DNM3: variants seen among roughly 807,000 people sequenced by gnomAD.
DNM3 encodes dynamin 3, also known as dynamin-3.
DNM3 carries 47 observed loss-of-function variants against 101.6 expected under a neutral mutation model. The observed-to-expected ratio is 0.46, with a 90% CI of 0.37 to 0.59. The LOEUF is 0.59. DNM3 is among the 20% of genes least tolerant of loss of function. The pLI is 0.00. For missense variants in DNM3, 849 were observed against 1,085.7 expected (o/e 0.78, Z 3.06); for synonymous variants, 385 against 387.9 (o/e 0.99, Z 0.09).
chr1:171,881,585 G>C (rs1231479579), intron 1 of DNM3, among the ~76,000 whole-genome samples: 2 of 152,206 alleles, frequency 1.3e-5, no homozygotes, highest in Admixed American at 6.5e-5. Flanking sequence ...CAGCTCCATA[G>C]AGCCAGGGTC....
intron 14 of DNM3, among the ~76,000 whole-genome samples, chr1:172,187,548 G>A (rs1308632223): frequency 6.6e-6 from 1 of 151,944 alleles, no homozygotes; most frequent in Admixed American, 6.6e-5. Flanking sequence ...GTATAGACCT[G>A]ATCTATTCAA....
At chr1:172,316,067 G>C (rs1426461028) in intron 16 of DNM3, among the ~76,000 whole-genome samples, 1 of 152,178 alleles carries the variant, frequency 6.6e-6, no homozygotes, top group African/African-American at 2.4e-5. Flanking sequence ...AGCCAGAAGA[G>C]AGTGGGAGCC....
At chr1:171,968,313 A>C (rs570388442) in intron 2 of DNM3, among the ~76,000 whole-genome samples, 64 of 152,286 alleles carry the variant, frequency 4.2e-4, no homozygotes, top group African/African-American at 1.4e-3. Context: ...CAACAAATTT[A>C]GCTTAAAGAT....
chr1:171,900,119 C>G (rs1284273294), intron 1 of DNM3, among the ~76,000 whole-genome samples: 1 of 152,182 alleles, frequency 6.6e-6, no homozygotes, highest in East Asian at 1.9e-4. Flanking sequence ...AAATCAAGGA[C>G]AACCCCCAGA....
Position 172,046,689 on chromosome 1 carries a change from T to A in DNM3, c.1197-1923T>A, listed in dbSNP as rs550115038. Reference sequence around the variant, plus strand: ...CATCTATAACCAAATCTAACGTTTTTTCTTTTACCATCGATAGGATTTCTA... The same window carrying A: ...CATCTATAACCAAATCTAACGTTTTATCTTTTACCATCGATAGGATTTCTA... On this transcript the variant is annotated intron_variant, in intron 9 of 20. Transcript: ENST00000627582. Among the ~76,000 whole-genome samples, 4 of 152,304 alleles carry A rather than the reference T, an allele frequency of 2.6e-5. No homozygotes were observed. In the East Asian group the frequency reaches 5.8e-4, roughly 22 times the overall value.
rs567979813 is a variant in DNM3, at chr1:172,032,156, T to C, written c.590-246T>C. The stretch of plus-strand genomic sequence containing the variant: ...AACTCTTATATTTCAAAATTATTTT[T>C]GTGCTATAGCTATTTGTTTTTCTCC... On this transcript the variant is annotated intron_variant, in intron 4 of 20. Coordinates refer to ENST00000627582, the MANE Select transcript of DNM3 (RefSeq NM_015569.5). Among the ~76,000 whole-genome samples, 427 of 152,314 alleles carry C rather than the reference T, an allele frequency of 2.8e-3. 3 individuals are homozygous for C. The highest frequency in any genetic ancestry group is 9.7e-3 in the African/African-American group (402 of 41,564).
At chr1:172,079,840 C>T (rs1301969813) in intron 11 of DNM3, among the ~76,000 whole-genome samples, 1 of 151,962 alleles carries the variant, frequency 6.6e-6, no homozygotes, top group East Asian at 1.9e-4. Context: ...TGATGCTGTT[C>T]CTTTCTGTTT....
rs1553240842 is a variant in DNM3 at position 172,347,202 on chromosome 1, C to CCG, written c.1893+23862_1893+23863insCG. Among the ~76,000 whole-genome samples the CCG allele has an allele frequency of 5.2e-3, 792 of 151,664 alleles. 10 individuals carry two copies. The highest frequency in any genetic ancestry group is 0.016 in the African/African-American group (681 of 41,308). ...CAGAGGAACTAGCAGAAGCCCCCCCCGCCAAAAAAAATTATTTCCTCTCTG... is the reference window on the plus strand; with the variant it reads ...CAGAGGAACTAGCAGAAGCCCCCCCCCGGCCAAAAAAAATTATTTCCTCTCTG... On this transcript the variant is annotated intron_variant, in intron 17 of 20. Coordinates refer to ENST00000627582, the MANE Select transcript of DNM3 (RefSeq NM_015569.5).
intron 14 of DNM3, among the ~76,000 whole-genome samples, chr1:172,251,897 A>G (rs1270902373): frequency 6.6e-6 from 1 of 152,142 alleles, no homozygotes; most frequent in African/African-American, 2.4e-5. Flanking sequence ...GATTTTCATT[A>G]GGCCTAGAAT....
At chr1:172,118,857 GT>G (rs2056107565) in intron 13 of DNM3, among the ~76,000 whole-genome samples, 1 of 152,094 alleles carries the variant, frequency 6.6e-6, no homozygotes, top group Non-Finnish European at 1.5e-5. Context: ...TCCTCTCTGA[GT>G]CCCTCAATCC....
At chr1:172,209,583 A>G (rs2060441746) in intron 14 of DNM3, among the ~76,000 whole-genome samples, 2 of 152,194 alleles carry the variant, frequency 1.3e-5, no homozygotes, top group South Asian at 4.1e-4. Context: ...TGCATTAAGC[A>G]AGGAGAAGAC....
At chr1:172,019,420 T>G (rs2047676596) in intron 4 of DNM3, among the ~76,000 whole-genome samples, 1 of 74,426 alleles carries the variant, frequency 1.3e-5, no homozygotes, top group Non-Finnish European at 2.5e-5. Flanking sequence ...TATTTTTGCT[T>G]TTTTTTTTTG....
chr1:172,215,049 T>C (rs566569900), intron 14 of DNM3, among the ~76,000 whole-genome samples: 6 of 152,284 alleles, frequency 3.9e-5, no homozygotes, highest in African/African-American at 1.2e-4. Flanking sequence ...ATTTCAATTA[T>C]AGATGCTCAA....
At chr1:171,960,234 T>G (rs1571841347) in intron 2 of DNM3, among the ~76,000 whole-genome samples, 1 of 151,646 alleles carries the variant, frequency 6.6e-6, no homozygotes, top group Non-Finnish European at 1.5e-5. Context: ...CACCTGAGGC[T>G]AAGAATGACA....
In DNM3 at chr1:172,407,962, T is replaced by G; in HGVS notation, c.*121T>G. The G allele has an allele frequency of 2.5e-6, 4 of 1,570,076 alleles. No individual in the cohort carries two copies. The highest frequency in any genetic ancestry group is 3.5e-6 in the Non-Finnish European group (4 of 1,156,574). The stretch of plus-strand genomic sequence containing the variant: ...GGACATCAGTAGGCAAGTAACCAGT[T>G]TTACTAATGCATTCATCGCTCATCT... On this transcript the variant is annotated 3_prime_UTR_variant, in exon 21 of 21. Transcript: ENST00000627582.
chr1:172,303,036 G>T lies in DNM3; in HGVS notation c.1770-5692G>T, dbSNP rs946973483. On this transcript the variant is annotated intron_variant, in intron 15 of 20. Coordinates refer to ENST00000627582, the MANE Select transcript of DNM3 (RefSeq NM_015569.5). ...AAGCTGGATGGAGAATGACTTTGAT[G>T]AGTTGACAGAAGTAGGCCTCAGAAG... Among the ~76,000 whole-genome samples the T allele has an allele frequency of 4.6e-5, 7 of 152,284 alleles. 1 individual carries two copies. In the East Asian group the frequency reaches 1.4e-3, roughly 29 times the overall value.
Position 172,033,179 on chromosome 1 carries a change from G to A in DNM3, c.763G>A (p.Glu255Lys). The A allele has an allele frequency of 6.2e-7, 1 of 1,611,184 alleles. No individual in the cohort carries two copies. Among genetic ancestry groups the A allele is most frequent in the East Asian group, 2.2e-5 (1 of 44,776 alleles). ...KKDIKAAMLA[E>K]RKFFLSHPAY... Reference sequence around the variant, plus strand: ...GGACATAAAGGCAGCCATGCTGGCAGAGAGGAAGTTTTTCCTTTCCCACCC... The same window carrying A: ...GGACATAAAGGCAGCCATGCTGGCAAAGAGGAAGTTTTTCCTTTCCCACCC... Residue 255 changes from glutamate (E) to lysine (K), a missense_variant, in exon 6 of 21, where the codon GAG becomes AAG. By Grantham distance (56) the Glu-to-Lys change is moderately conservative. This residue lies in a region of DNM3 where 388 missense variants were observed against 483.0 expected (regional missense o/e 0.80). Coordinates refer to ENST00000627582, the MANE Select transcript of DNM3 (RefSeq NM_015569.5).
intron 18 of DNM3, among the ~76,000 whole-genome samples, chr1:172,383,513 T>C (rs948017839): frequency 1.3e-5 from 2 of 152,134 alleles, no homozygotes; most frequent in African/African-American, 4.8e-5. Context: ...ATACATGTAT[T>C]GTGTGAATGA....
chr1:172,061,686 T>C (rs1184803916), intron 10 of DNM3, among the ~76,000 whole-genome samples: 1 of 109,786 alleles, frequency 9.1e-6, no homozygotes, highest in Non-Finnish European at 1.8e-5. Flanking sequence ...CATCACACCC[T>C]GGGGACTGTG....
Sources: gnomAD v4.1 joint callset for allele counts (sites outside exome capture counted in the v4.1 genomes callset) on GRCh38, gnomAD v4.1.1 for gene constraint, gnomAD v4.1.1 regional missense constraint, MANE v1.5 for transcripts, NCBI Gene and HGNC (gene_info 2026-07-23, HGNC 2026-07-21) for gene names.